COL6A5: variants seen among roughly 807,000 people sequenced by gnomAD.
The protein encoded by COL6A5 is collagen type VI alpha 5 chain.
In COL6A5, 48 loss-of-function variants were observed where a neutral mutation model predicts 65.6. The observed-to-expected ratio is 0.73, with a 90% CI of 0.58 to 0.93. COL6A5 has a LOEUF of 0.93. Ranked by LOEUF, COL6A5 falls within the 40% of genes least tolerant of loss-of-function variation. COL6A5 has a pLI of 0.00. For synonymous variants in COL6A5, 291 were observed against 322.8 expected, an observed-to-expected ratio of 0.90 and a Z score of 1.05; for missense variants, 914 against 928.3, an observed-to-expected ratio of 0.98 and a Z score of 0.20.
rs921659171 is a variant in COL6A5, at chr3:130,415,819, T to G, written c.4824+112T>G. 31 of 922,954 alleles carry G rather than the reference T, an allele frequency of 3.4e-5. No individual in the cohort carries two copies. The African/African-American group carries it at 4.2e-4, about 12-fold the overall frequency. The allele number at this position is 922,954 out of a possible 1,614,324, so 57.2% of individuals were successfully genotyped here. ...TATTATTTACATATATATTATTTCA[T>G]TTTTGGATTATCTGGGGCAAAATTC... is the stretch of plus-strand genomic sequence containing the variant. On this transcript the variant is annotated intron_variant and NMD_transcript_variant, in intron 23 of 41. Coordinates refer to the COL6A5 transcript ENST00000312481.
chr3:130,415,465 C>A (rs1175530208), intron 22 of COL6A5, among the ~76,000 whole-genome samples, 180 bp from the exon 23 acceptor site: 1 of 152,118 alleles, frequency 6.6e-6, no homozygotes, highest in Non-Finnish European at 1.5e-5. Context: ...TTAAAGAGAT[C>A]TGGACCACTG....
chr3:130,446,724 G>C (rs1484667598), intron 4 of COL6A5, among the ~76,000 whole-genome samples: 1 of 152,038 alleles, frequency 6.6e-6, no homozygotes, highest in African/African-American at 2.4e-5. Flanking sequence ...TGGGTACCCA[G>C]ACAGGGGATT....
intron 28 of COL6A5, among the ~76,000 whole-genome samples, chr3:130,423,492 CT>C (rs1937549989): frequency 6.6e-6 from 1 of 151,660 alleles, no homozygotes; most frequent in Admixed American, 6.6e-5. Flanking sequence ...AATCATTTTT[CT>C]TATTTGATCT....
chr3:130,376,928 TGA>T, intron 3 of COL6A5, 92 bp downstream of exon 3: 5 of 1,345,002 alleles, frequency 3.7e-6, no homozygotes, highest in South Asian at 3.1e-5. Context: ...TAGGTTTTCA[TGA>T]TTAGCCATGT....
chr3:130,426,396 A>G (rs990171423), exon 31 of COL6A5: 1 of 1,551,184 alleles, frequency 6.4e-7, no homozygotes, highest in African/African-American at 1.4e-5. Context: ...TTTTGCGGGA[A>G]CATAGTCGTG....
intron 1 of COL6A5, among the ~76,000 whole-genome samples, chr3:130,349,093 C>G (rs1233637067): frequency 1.3e-5 from 2 of 152,196 alleles, no homozygotes; most frequent in Non-Finnish European, 2.9e-5. Flanking sequence ...TCAAGCCACT[C>G]TTTGGGATGA....
intron 1 of COL6A5, among the ~76,000 whole-genome samples, chr3:130,360,313 T>G (rs1484292152): frequency 6.6e-6 from 1 of 152,124 alleles, no homozygotes; most frequent in African/African-American, 2.4e-5. Context: ...CTATTAAAGT[T>G]TTAATAAAAT....
At chr3:130,409,517 G>T in intron 18 of COL6A5, 129 bp downstream of exon 18, 1 of 722,882 alleles carries the variant, frequency 1.4e-6, no homozygotes, top group African/African-American at 1.8e-5. Context: ...GATAGGTGTT[G>T]GCTGAGGCTT....
chr3:130,368,270 C>G (rs982248032), intron 1 of COL6A5, among the ~76,000 whole-genome samples: 1 of 152,182 alleles, frequency 6.6e-6, no homozygotes, highest in African/African-American at 2.4e-5. Flanking sequence ...CTTTATCAGT[C>G]GCAGGATATT....
chr3:130,364,888 A>G (rs1935275035), intron 1 of COL6A5, among the ~76,000 whole-genome samples: 1 of 152,230 alleles, frequency 6.6e-6, no homozygotes, highest in African/African-American at 2.4e-5. Context: ...ATGTATTAGT[A>G]AAACCCAACC....
At chr3:130,398,279 C>A (rs1049934166) in intron 10 of COL6A5, among the ~76,000 whole-genome samples, 168 bp downstream of exon 10, 2 of 151,716 alleles carry the variant, frequency 1.3e-5, no homozygotes, top group African/African-American at 4.8e-5. Context: ...TACAGGCGCC[C>A]ACCACCACGC....
At chr3:130,438,450 T>C (rs1308082921) in intron 1 of COL6A5, among the ~76,000 whole-genome samples, 1 of 152,166 alleles carries the variant, frequency 6.6e-6, no homozygotes, top group Non-Finnish European at 1.5e-5. Context: ...TTTACTCCTA[T>C]GAATAAACTT....
chr3:130,408,858 A>G (rs1464227911), intron 17 of COL6A5, among the ~76,000 whole-genome samples: 1 of 152,238 alleles, frequency 6.6e-6, no homozygotes, highest in Non-Finnish European at 1.5e-5. Context: ...GGAAGTTTTC[A>G]GTGGGCAATT....
rs746543546 is a variant in COL6A5 at position 130,468,976 on chromosome 3, C to G, written c.1728C>G (p.Ala576=). Reference sequence around the variant, plus strand: ...CAGTGCTTGATTACTTTCACATTGCCCCCACTCCACTGACCTCCACCTTAG... The same window carrying G: ...CAGTGCTTGATTACTTTCACATTGCGCCCACTCCACTGACCTCCACCTTAG... The change falls in exon 6 of 8, where the codon GCC becomes GCG. Residue 576 remains alanine, a synonymous_variant. Coordinates refer to ENST00000512836, the Ensembl canonical transcript of COL6A5. 4 of 1,612,792 alleles carry G rather than the reference C, an allele frequency of 2.5e-6. No individual in the cohort carries two copies. In the South Asian group the frequency reaches 4.4e-5, roughly 18 times the overall value.
intron 5 of COL6A5, among the ~76,000 whole-genome samples, chr3:130,461,774 T>TA (rs1559916084): frequency 2.0e-5 from 3 of 150,618 alleles, no homozygotes; most frequent in East Asian, 1.9e-4. Flanking sequence ...TTTTTTTTTT[T>TA]TAAAAAAAAC....
intron 1 of COL6A5, among the ~76,000 whole-genome samples, chr3:130,348,431 T>C (rs1934582420): frequency 6.6e-6 from 1 of 152,242 alleles, no homozygotes; most frequent in South Asian, 2.1e-4. Context: ...GCTTTATCCA[T>C]GTCCCTGCAA....
At position 130,464,833 on chromosome 3, in the gene COL6A5, C is replaced by G. The variant is rs116162771; in HGVS notation, c.1545-3962C>G. Among the ~76,000 whole-genome samples, 205 of 152,072 alleles carry G rather than the reference C, an allele frequency of 1.3e-3. 1 individual carries two copies. Among genetic ancestry groups the G allele is most frequent in the African/African-American group, 4.5e-3 (188 of 41,508 alleles). On this transcript the variant is annotated intron_variant, in intron 5 of 7. Transcript: ENST00000512836. ...TGCTTGTGTGATGCAAAATCCTGGT[C>G]AATTACTATAAATGTATGTATTGAT...
intron 5 of COL6A5, among the ~76,000 whole-genome samples, chr3:130,461,217 T>G (rs994546262): frequency 6.6e-6 from 1 of 152,036 alleles, no homozygotes; most frequent in African/African-American, 2.4e-5. Flanking sequence ...AAAAAATGAC[T>G]ACTACAATTC....
intron 6 of COL6A5, 22 bp from the exon 39 acceptor site, chr3:130,470,849 A>T (rs747455520): frequency 3.8e-6 from 6 of 1,574,194 alleles, no homozygotes; most frequent in African/African-American, 1.4e-5. Context: ...AATTTAGACT[A>T]ACCAGCCCAC....
Sources: gnomAD v4.1 joint callset for allele counts (sites outside exome capture counted in the v4.1 genomes callset) on GRCh38, gnomAD v4.1.1 for gene constraint, MANE v1.5 for transcripts, NCBI Gene and HGNC (gene_info 2026-07-23, HGNC 2026-07-21) for gene names.